Variants in STX1A observed in about 807,000 individuals in gnomAD.
STX1A encodes the protein syntaxin 1A, also known as syntaxin-1A.
STX1A carries 4 observed loss-of-function variants against 37.8 expected under a neutral mutation model. That is an observed-to-expected ratio of 0.11 (90% CI 0.05 to 0.24). The LOEUF (loss-of-function observed/expected upper bound fraction) is 0.24, where lower values mean the gene tolerates loss of function less well. Ranked by LOEUF, STX1A falls within the 10% of genes least tolerant of loss-of-function variation. The pLI, the probability that STX1A is intolerant of heterozygous loss-of-function variation, is 1.00. For synonymous variants in STX1A, 135 were observed against 147.4 expected (o/e 0.92, Z 0.61); for missense variants, 251 against 399.9 (o/e 0.63, Z 3.18).
intron 2 of STX1A, 96 bp from the exon 3 acceptor site, chr7:73,708,784 AG>A: frequency 7.4e-7 from 1 of 1,354,074 alleles, no homozygotes; most frequent in Non-Finnish European, 1.0e-6. Context: ...GTCAGGGCTC[AG>A]GGGGAGGACG....
rs1485131934 is a variant in STX1A at position 73,705,334 on chromosome 7, G to T, written c.209-110C>A. 1 of 868,600 alleles carries T rather than the reference G, an allele frequency of 1.2e-6. No individual in the cohort carries two copies. Among genetic ancestry groups the T allele is most frequent in the Non-Finnish European group, 1.9e-6 (1 of 526,604 alleles). The allele number at this position is 868,600 out of a possible 1,614,324, so 53.8% of individuals were successfully genotyped here. A position where few individuals can be genotyped will look rare whatever the true frequency, so the allele number is the denominator to read the frequency against. ...AGTGGGAGGCTCTGGGAAGATCCCTGTTCTCCCCTGTTCCCCTGGCTAAGG... is the reference window on the plus strand; with the variant it reads ...AGTGGGAGGCTCTGGGAAGATCCCTTTTCTCCCCTGTTCCCCTGGCTAAGG... On this transcript the variant is annotated intron_variant, in intron 3 of 9. Coordinates refer to ENST00000222812, the MANE Select transcript of STX1A (RefSeq NM_004603.4). The surrounding 1 kb of genome is among the most constrained non-coding windows in gnomAD (Gnocchi z 5.2).
At chr7:73,704,086 G>C (rs1459501189) in intron 6 of STX1A, 62 bp downstream of exon 6, 8 of 1,504,984 alleles carry the variant, frequency 5.3e-6, no homozygotes, top group Non-Finnish European at 7.2e-6. Flanking sequence ...GCACTCAGCA[G>C]CAGACTCGGG....
rs1798575698 is a variant in STX1A at position 73,699,712 on chromosome 7, GT to G, written c.*694del. On this transcript the variant is annotated 3_prime_UTR_variant, in exon 10 of 10. Transcript: ENST00000222812. ...CTGCTTTGCCTCCCTAGCTGCTGGG[GT>G]GGCTGGAAATAGGGCACCAGCCAGC... 1 of 152,954 alleles carries G rather than the reference GT, an allele frequency of 6.5e-6. No homozygotes were observed. Among genetic ancestry groups the G allele is most frequent in the Non-Finnish European group, 1.5e-5 (1 of 68,478 alleles). The allele number at this position is 152,954 out of a possible 1,614,324, so 9.5% of individuals were successfully genotyped here.
Position 73,708,680 on chromosome 7 carries a change from C to A in STX1A, c.117G>T (p.Glu39Asp). Residue 39 changes from glutamate (E) to aspartate (D), a missense_variant, in exon 3 of 10, where the codon GAG becomes GAT. Glu to Asp is a conservative substitution (Grantham distance 45). This residue lies in a region of STX1A where 214 missense variants were observed against 367.6 expected (regional missense o/e 0.58). Transcript: ENST00000222812. Reference sequence around the variant, plus strand: ...CGATCTTGTCAATGAAGCCTCGAATCTCCTCCACCTGCGGACCAAGGCCAG... The same window carrying A: ...CGATCTTGTCAATGAAGCCTCGAATATCCTCCACCTGCGGACCAAGGCCAG... The part of the protein sequence containing the change: ...FMDEFFEQVE[E>D]IRGFIDKIAE... The A allele has an allele frequency of 6.2e-7, 1 of 1,613,990 alleles. No individual in the cohort carries two copies. The highest frequency in any genetic ancestry group is 1.3e-5 in the African/African-American group (1 of 75,058).
chr7:73,711,567 G>C (rs1392157922), intron 1 of STX1A, among the ~76,000 whole-genome samples: 1 of 152,014 alleles, frequency 6.6e-6, no homozygotes, highest in Admixed American at 6.5e-5. Context: ...CACGCTTTTA[G>C]ACCGTGACAG....
In STX1A at chr7:73,708,631, G is replaced by A; in HGVS notation, c.166C>T (p.Arg56Trp). The stretch of plus-strand genomic sequence containing the variant: ...GATGCCAGGATGGCACTGTGCTTCC[G>A]CTTCACCTCCTCCACGTTCTCTGCG... Reference protein sequence around the residue: ...KIAENVEEVKRKHSAILASPN... With the variant: ...KIAENVEEVKWKHSAILASPN... The change falls in exon 3 of 10, where the codon CGG (arginine) becomes TGG (tryptophan). Residue 56 changes from arginine (R) to tryptophan (W), a missense_variant. By Grantham distance (101) the Arg-to-Trp change is moderately radical. Coordinates refer to ENST00000222812, the MANE Select transcript of STX1A (RefSeq NM_004603.4). 3 of 1,614,158 alleles carry A rather than the reference G, an allele frequency of 1.9e-6. No homozygotes were observed. Among genetic ancestry groups the A allele is most frequent in the Non-Finnish European group, 2.5e-6 (3 of 1,180,018 alleles).
Position 73,699,557 on chromosome 7 carries a change from A to T in STX1A, c.*850T>A, listed in dbSNP as rs1662138818. The T allele has an allele frequency of 6.5e-6, 1 of 152,672 alleles. No individual in the cohort carries two copies. The highest frequency in any genetic ancestry group is 2.4e-5 in the African/African-American group (1 of 41,442). The allele number at this position is 152,672 out of a possible 1,614,324, so 9.5% of individuals were successfully genotyped here. The stretch of plus-strand genomic sequence containing the variant: ...CTGGGACACGTGACACCCACGTGGC[A>T]CATCGATGGGAGGATGGCAAGGGCA... On this transcript the variant is annotated 3_prime_UTR_variant, in exon 10 of 10. Coordinates refer to ENST00000222812, the MANE Select transcript of STX1A (RefSeq NM_004603.4).
Position 73,719,635 on chromosome 7 carries a change from C to T in STX1A, c.-4G>A. 1 of 1,198,424 alleles carries T rather than the reference C, an allele frequency of 8.3e-7. No homozygotes were observed. The highest frequency in any genetic ancestry group is 1.0e-6 in the Non-Finnish European group (1 of 961,254). The allele number at this position is 1,198,424 out of a possible 1,614,324, so 74.2% of individuals were successfully genotyped here. On this transcript the variant is annotated 5_prime_UTR_variant, in exon 1 of 10. Coordinates refer to ENST00000222812, the MANE Select transcript of STX1A (RefSeq NM_004603.4). Reference sequence around the variant, plus strand: ...GCTCCTGGGTTCGGTCCTTCATGCTCCCGGGAGTGGCAGCGGCGCCGGCTG... The same window carrying T: ...GCTCCTGGGTTCGGTCCTTCATGCTTCCGGGAGTGGCAGCGGCGCCGGCTG...
At chr7:73,703,916 G>T in intron 6 of STX1A, 88 bp from the exon 7 acceptor site, 1 of 1,326,438 alleles carries the variant, frequency 7.5e-7, no homozygotes, top group Non-Finnish European at 9.9e-7. Context: ...TCCCAGGCCC[G>T]GGCTCCCCCC....
In STX1A at chr7:73,702,073, C is replaced by G. The variant is rs368078617; in HGVS notation, c.678+772G>C. 6.6e-6 allele frequency among the ~76,000 whole-genome samples: 1 copy of G among 152,204 alleles called. No homozygotes were observed. On this transcript the variant is annotated intron_variant, in intron 8 of 9. Transcript: ENST00000222812. The surrounding 1 kb of genome is among the most constrained non-coding windows in gnomAD (Gnocchi z 4.7). ...CCTTGTGCCCCAGCAGCAAGGACCTCCTTTTTCTGTTCCTGAAATAAGTCT... is the reference window on the plus strand; with the variant it reads ...CCTTGTGCCCCAGCAGCAAGGACCTGCTTTTTCTGTTCCTGAAATAAGTCT...
chr7:73,718,966 C>G (rs1043978424), intron 1 of STX1A, among the ~76,000 whole-genome samples: 6 of 151,866 alleles, frequency 4.0e-5, no homozygotes, highest in Admixed American at 3.3e-4. Context: ...GTGACGCCCC[C>G]CCCCCCATAC....
intron 7 of STX1A, 200 bp downstream of exon 7, chr7:73,703,555 A>G (rs1798746384): frequency 1.4e-6 from 1 of 729,966 alleles, no homozygotes; most frequent in South Asian, 1.5e-5. Flanking sequence ...ATCAGGAGAC[A>G]GGGGTCTTGA....
In STX1A at chr7:73,709,085, G is replaced by A; in HGVS notation, c.68C>T (p.Thr23Ile). The A allele has an allele frequency of 6.2e-7, 1 of 1,614,018 alleles. No individual in the cohort carries two copies. Among genetic ancestry groups the A allele is most frequent in the Non-Finnish European group, 8.5e-7 (1 of 1,180,002 alleles). The change falls in exon 2 of 10, where the codon ACC becomes ATC. Residue 23 changes from threonine (T) to isoleucine (I), a missense_variant. Transcript: ENST00000222812. This position sits in a 1 kb window ranked among gnomAD's most constrained non-coding sequence, Gnocchi z 4.2. ...ATCCATGAAGCGGTCTCGGTCCACG[G>A]TGACAGCGACATCATCATCATCATC... ...DSDDDDDVAV[T>I]VDRDRFMDEF...
rs1376803734 is a variant in STX1A, at chr7:73,706,776, C to A, written c.209-1552G>T. 6.6e-6 allele frequency among the ~76,000 whole-genome samples: 1 copy of A among 152,204 alleles called. No homozygotes were observed. The highest frequency in any genetic ancestry group is 1.5e-5 in the Non-Finnish European group (1 of 68,044). On this transcript the variant is annotated intron_variant, in intron 3 of 9. Coordinates refer to ENST00000222812, the MANE Select transcript of STX1A (RefSeq NM_004603.4). The surrounding 1 kb of genome is among the most constrained non-coding windows in gnomAD (Gnocchi z 4.6). ...CCTGACCCTGAGCAGGAACAGCCCA[C>A]AGAGGGACACACAGTGACCCAGATA...
chr7:73,703,021 C>A, intron 7 of STX1A, 39 bp from the exon 8 acceptor site: 1 of 1,362,998 alleles, frequency 7.3e-7, no homozygotes, highest in South Asian at 1.5e-5. Flanking sequence ...CAGAGGCTTG[C>A]TGAGGGGCAG....
At position 73,702,574 on chromosome 7, in the gene STX1A, G is replaced by A; in HGVS notation, c.678+271C>T. The A allele has an allele frequency of 3.0e-6, 3 of 1,006,506 alleles. No individual in the cohort carries two copies. Among genetic ancestry groups the A allele is most frequent in the South Asian group, 1.9e-5 (1 of 52,560 alleles). The allele number at this position is 1,006,506 out of a possible 1,614,324, so 62.3% of individuals were successfully genotyped here. A position where few individuals can be genotyped will look rare whatever the true frequency, so the allele number is the denominator to read the frequency against. Reference sequence around the variant, plus strand: ...TGCGTGGCCCACAGTGGCCCCATGAGGAAACAGTAGTAGGGGAATGAGAGA... The same window carrying A: ...TGCGTGGCCCACAGTGGCCCCATGAAGAAACAGTAGTAGGGGAATGAGAGA... On this transcript the variant is annotated intron_variant, in intron 8 of 9. Coordinates refer to ENST00000222812, the MANE Select transcript of STX1A (RefSeq NM_004603.4). The surrounding 1 kb of genome is among the most constrained non-coding windows in gnomAD (Gnocchi z 4.7).
chr7:73,716,097 G>A (rs1479153733), intron 1 of STX1A, among the ~76,000 whole-genome samples: 1 of 152,246 alleles, frequency 6.6e-6, no homozygotes, highest in African/African-American at 2.4e-5. Context: ...TGTAAGATAG[G>A]AGGTTGAACT....
chr7:73,699,592 T>G lies in STX1A; in HGVS notation c.*815A>C, dbSNP rs1334886564. On this transcript the variant is annotated 3_prime_UTR_variant, in exon 10 of 10. Transcript: ENST00000222812. ...GAGGATGGCAAGGGCAGGATGAGAC[T>G]GCAGGCCTGAAATGACATCTGACTT... 2 of 152,630 alleles carry G rather than the reference T, an allele frequency of 1.3e-5. No individual in the cohort carries two copies. The highest frequency in any genetic ancestry group is 2.9e-5 in the Non-Finnish European group (2 of 68,058). 9.5% of individuals were successfully genotyped at this position (152,630 alleles called of 1,614,324 possible). A position where few individuals can be genotyped will look rare whatever the true frequency, so the allele number is the denominator to read the frequency against.
intron 1 of STX1A, among the ~76,000 whole-genome samples, chr7:73,714,503 C>A (rs1799220051): frequency 6.6e-6 from 1 of 152,084 alleles, no homozygotes. Flanking sequence ...CAGGCTCAAG[C>A]AATCCTCCAG....
Sources: allele counts gnomAD v4.1 joint callset (sites outside exome capture counted in the v4.1 genomes callset), GRCh38; gene constraint gnomAD v4.1.1; regional missense constraint gnomAD v4.1.1; non-coding constraint Gnocchi (gnomAD v3.1); transcripts MANE v1.5; gene names NCBI Gene and HGNC (gene_info 2026-07-23, HGNC 2026-07-21).